Variants in RYR3 observed in about 807,000 individuals in gnomAD.
RYR3 encodes brain ryanodine receptor-calcium release channel.
A neutral mutation model predicts 584.3 loss-of-function variants in RYR3; 207 were observed. That is an observed-to-expected ratio of 0.35 (90% CI 0.32 to 0.40). The LOEUF is 0.40. Ranked by LOEUF, RYR3 falls within the 10% of genes least tolerant of loss-of-function variation. The pLI is 1.00. For synonymous variants in RYR3, 2,416 were observed against 2,248.5 expected, an observed-to-expected ratio of 1.07 and a Z score of -2.11; for missense variants, 5,616 against 6,089.2, an observed-to-expected ratio of 0.92 and a Z score of 2.59.
At chr15:33,607,092 C>T (rs1040308506) in intron 18 of RYR3, among the ~76,000 whole-genome samples, 2 of 152,148 alleles carry the variant, frequency 1.3e-5, no homozygotes, top group Non-Finnish European at 2.9e-5. Flanking sequence ...TGGACGAGAT[C>T]CGAGGAGTAG....
chr15:33,571,674 T>C (rs1036173072), intron 12 of RYR3, among the ~76,000 whole-genome samples: 1 of 152,226 alleles, frequency 6.6e-6, no homozygotes, highest in Non-Finnish European at 1.5e-5. Context: ...TTTGTACTTT[T>C]AACTTATTTG....
intron 34 of RYR3, 28 bp from the exon 35 acceptor site, chr15:33,662,125 T>C (rs1471074233): frequency 6.5e-7 from 1 of 1,530,144 alleles, no homozygotes; most frequent in South Asian, 1.3e-5. Flanking sequence ...CTCCCCCTGG[T>C]GTGGCTGATT....
chr15:33,676,556 A>G (rs2064190296), intron 38 of RYR3, among the ~76,000 whole-genome samples: 1 of 152,216 alleles, frequency 6.6e-6, no homozygotes, highest in Non-Finnish European at 1.5e-5. Flanking sequence ...CGCCTGAGAG[A>G]TGGTCAAGTG....
rs192312271 is a variant in RYR3, at chr15:33,581,714, T to C, written c.1573+71T>C. 5,400 of 1,375,756 alleles carry C rather than the reference T, an allele frequency of 3.9e-3. 119 individuals are homozygous for C. The African/African-American group carries it at 0.055, about 14-fold the overall frequency. 85.2% of individuals were successfully genotyped at this position (1,375,756 alleles called of 1,614,324 possible). On this transcript the variant is annotated intron_variant, in intron 14 of 103. Transcript: ENST00000634891. ...ATTTCCACGTGCAATCCCAAGATTG[T>C]CTTTAACTTGCCATTAACCCTGTGA...
rs572947533 is a variant in RYR3 at position 33,691,506 on chromosome 15, CTTTTTTCAT to C, written c.5861-4700_5861-4692del. Among the ~76,000 whole-genome samples, 101 of 152,216 alleles carry C rather than the reference CTTTTTTCAT, an allele frequency of 6.6e-4. 1 individual carries two copies. The highest frequency in any genetic ancestry group is 2.3e-3 in the African/African-American group (95 of 41,542). On this transcript the variant is annotated intron_variant, in intron 38 of 103. Coordinates refer to ENST00000634891, the MANE Select transcript of RYR3 (RefSeq NM_001036.6). The stretch of plus-strand genomic sequence containing the variant: ...ACTATCACTTGAAGTGAAAGGCTTA[CTTTTTTCAT>C]TTTTTTCATTTCATTTTTTTCATTT...
intron 1 of RYR3, among the ~76,000 whole-genome samples, chr15:33,471,396 C>T (rs953996398): frequency 1.3e-5 from 2 of 152,050 alleles, no homozygotes; most frequent in Non-Finnish European, 2.9e-5. Context: ...GTATCAGTTT[C>T]TTGGCAGCTT....
rs377360254 is a variant in RYR3, at chr15:33,660,232, T to G, written c.4431T>G (p.Ser1477Arg). 5.2e-6 allele frequency: 8 copies of G among 1,552,544 alleles called. No individual in the cohort carries two copies. The highest frequency in any genetic ancestry group is 4.1e-5 in the African/African-American group (3 of 72,900). The change falls in exon 34 of 104, where the codon AGT (serine) becomes AGG (arginine). Residue 1477 changes from serine to arginine, a missense_variant. Transcript: ENST00000634891. The stretch of plus-strand genomic sequence containing the variant: ...CCCTGTCAGCGGCCATATTCAGGAG[T>G]GAAGAGAAGAACCCAGTCCCACAGT... ...AMPLSAAIFRSEEKNPVPQCP... is the reference protein window; with the variant it reads ...AMPLSAAIFRREEKNPVPQCP...
At chr15:33,781,859 AGG>A (rs1315417157) in intron 65 of RYR3, among the ~76,000 whole-genome samples, 1 of 126,784 alleles carries the variant, frequency 7.9e-6, no homozygotes, top group East Asian at 3.2e-4. Flanking sequence ...AAAAAAAAAA[AGG>A]GGGGGGGGAT....
chr15:33,577,236 T>C (rs1232059104), intron 12 of RYR3, among the ~76,000 whole-genome samples: 3 of 152,132 alleles, frequency 2.0e-5, no homozygotes, highest in Non-Finnish European at 4.4e-5. Flanking sequence ...TAAACTACCA[T>C]TGACATTCTT....
intron 2 of RYR3, among the ~76,000 whole-genome samples, chr15:33,489,768 C>A (rs984328290): frequency 1.3e-5 from 2 of 152,196 alleles, no homozygotes; most frequent in Non-Finnish European, 2.9e-5. Context: ...TTAGCTGAGA[C>A]ATCACCATGC....
chr15:33,678,874 G>A (rs2064374748), intron 38 of RYR3, among the ~76,000 whole-genome samples: 1 of 152,180 alleles, frequency 6.6e-6, no homozygotes, highest in African/African-American at 2.4e-5. Flanking sequence ...ACTGCAGAGA[G>A]CCTTGTAACT....
chr15:33,403,250 C>A (rs1262993491), intron 1 of RYR3, among the ~76,000 whole-genome samples: 2 of 152,028 alleles, frequency 1.3e-5, no homozygotes, highest in African/African-American at 4.8e-5. Flanking sequence ...AAAATTAAGG[C>A]AATGTGCAAT....
At position 33,829,468 on chromosome 15, in the gene RYR3, G is replaced by A. The variant is rs547925713; in HGVS notation, c.11335-1495G>A. On this transcript the variant is annotated intron_variant, in intron 85 of 103. Transcript: ENST00000634891. ...TAGATGTCATTAAAAAACATTGTGG[G>A]CCAGGCCCAGTGGCTCGCATCTGTA... Among the ~76,000 whole-genome samples the A allele has an allele frequency of 2.9e-3, 447 of 152,240 alleles. 3 individuals are homozygous for A. The South Asian group carries it at 0.04, about 14-fold the overall frequency.
At chr15:33,529,058 A>G (rs1461030441) in intron 3 of RYR3, among the ~76,000 whole-genome samples, 1 of 152,248 alleles carries the variant, frequency 6.6e-6, no homozygotes, top group Non-Finnish European at 1.5e-5. Context: ...TAGATTGGCA[A>G]GATGTGAAAA....
At chr15:33,539,221 G>A (rs2141132733) in intron 5 of RYR3, 129 bp from the exon 6 acceptor site, 2 of 615,590 alleles carry the variant, frequency 3.2e-6, no homozygotes, top group East Asian at 5.6e-5. Flanking sequence ...ACCAACAGAA[G>A]TTGAGGTCTG....
rs377533350 is a variant in RYR3, at chr15:33,584,408, C to G, written c.1587C>G (p.Arg529=). 1 of 1,601,848 alleles carries G rather than the reference C, an allele frequency of 6.2e-7. No homozygotes were observed. The highest frequency in any genetic ancestry group is 8.5e-7 in the Non-Finnish European group (1 of 1,170,244). ...CCTTGTTTGCAGCTGCTCTCATTCG[C>G]GGAAACAGAAACAATTGCGCTCAAT... ...LLYKLLAALI[R]GNRNNCAQFS... is the part of the protein sequence containing the mutation. The change falls in exon 15 of 104, where the codon CGC becomes CGG. Residue 529 remains arginine, a synonymous_variant. Coordinates refer to ENST00000634891, the MANE Select transcript of RYR3 (RefSeq NM_001036.6).
At chr15:33,571,341 T>A (rs1038662261) in intron 12 of RYR3, among the ~76,000 whole-genome samples, 3 of 152,192 alleles carry the variant, frequency 2.0e-5, no homozygotes, top group African/African-American at 7.2e-5. Context: ...ATCGATATGA[T>A]CATATAGTTT....
rs2152945492 is a variant in RYR3, at chr15:33,811,131, T to C, written c.10257+94T>C. ...ACTTCATTTACTCATGCTTCTTATA[T>C]GTGTTCCAAAAACAGTTTGGGGGTA... On this transcript the variant is annotated intron_variant, in intron 72 of 103. Transcript: ENST00000634891. 15 of 1,047,732 alleles carry C rather than the reference T, an allele frequency of 1.4e-5. 1 individual carries two copies. In the South Asian group the frequency reaches 1.8e-4, roughly 12 times the overall value. 64.9% of individuals were successfully genotyped at this position (1,047,732 alleles called of 1,614,324 possible).
intron 3 of RYR3, among the ~76,000 whole-genome samples, chr15:33,510,219 A>G (rs2052856162): frequency 6.6e-6 from 1 of 152,162 alleles, no homozygotes; most frequent in Admixed American, 6.5e-5. Context: ...GGTCTTAATA[A>G]TGCCACCAAC....
Sources: gnomAD v4.1 joint callset for allele counts (sites outside exome capture counted in the v4.1 genomes callset) on GRCh38, gnomAD v4.1.1 for gene constraint, MANE v1.5 for transcripts, NCBI Gene and HGNC (gene_info 2026-07-23, HGNC 2026-07-21) for gene names.